The following TACR3 variants were observed in gnomAD, a reference collection of about 807,000 sequenced individuals.
TACR3 encodes the protein tachykinin receptor 3, also known as neuromedin-K receptor.
A neutral mutation model predicts 35.0 loss-of-function variants in TACR3; 34 were observed. That is an observed-to-expected ratio of 0.97 (90% CI 0.74 to 1.30). TACR3 has a LOEUF of 1.30. TACR3 is among the 50% of genes most tolerant of loss of function. The probability of loss-of-function intolerance (pLI) is 0.00; values close to 1 mark genes in which losing one functional copy is unlikely to be tolerated. For missense variants in TACR3, 558 were observed against 591.7 expected (o/e 0.94, Z 0.59); for synonymous variants, 233 against 221.1 (o/e 1.05, Z -0.48).
intron 3 of TACR3, among the ~76,000 whole-genome samples, chr4:103,650,634 A>AAT (rs1346126873): frequency 9.0e-5 from 9 of 99,714 alleles, no homozygotes; most frequent in Middle Eastern, 4.4e-3. Flanking sequence ...ATAAATATAT[A>AAT]ATATATATTT....
At chr4:103,700,590 GA>G (rs936500714) in intron 1 of TACR3, among the ~76,000 whole-genome samples, 19 of 152,214 alleles carry the variant, frequency 1.2e-4, no homozygotes, top group African/African-American at 4.6e-4. Context: ...AATTCTGGGG[GA>G]AATTATTTTA....
intron 1 of TACR3, among the ~76,000 whole-genome samples, chr4:103,667,943 C>T (rs1260889383): frequency 1.3e-5 from 2 of 152,116 alleles, no homozygotes; most frequent in Non-Finnish European, 2.9e-5. Flanking sequence ...ATCCTCCCAC[C>T]TCAGTCTCCT....
intron 3 of TACR3, among the ~76,000 whole-genome samples, chr4:103,612,882 T>G (rs1392743831): frequency 6.6e-6 from 1 of 152,188 alleles, no homozygotes; most frequent in Non-Finnish European, 1.5e-5. Flanking sequence ...GATAACCCTC[T>G]TTTAAATAAA....
chr4:103,591,439 T>C (rs1352047130), intron 4 of TACR3, 48 bp downstream of exon 4: 3 of 1,597,010 alleles, frequency 1.9e-6, no homozygotes, highest in Admixed American at 1.7e-5. Context: ...ATGTTTCCAG[T>C]GAAGGTGGGT....
At chr4:103,604,013 T>A (rs10002146) in intron 3 of TACR3, among the ~76,000 whole-genome samples, 15,399 of 152,244 alleles carry the variant, frequency 0.1, 1,389 homozygotes, top group East Asian at 0.5. Context: ...TACCATTGAC[T>A]TTCTTCACAG....
chr4:103,667,149 T>C (rs1050578420), intron 1 of TACR3, among the ~76,000 whole-genome samples: 6 of 152,066 alleles, frequency 3.9e-5, no homozygotes, highest in Admixed American at 3.9e-4. Context: ...TCCCAGCTAC[T>C]TGGGAGGCTG....
rs369829192 is a variant in TACR3 at position 103,598,164 on chromosome 4, A to G, written c.889-6481T>C. ...ACCATTCTAACTGGTGTGAGATGGT[A>G]TCTCATTGTGGTTTTGATTTGCATT... On this transcript the variant is annotated intron_variant, in intron 3 of 4. Transcript: ENST00000304883. Among the ~76,000 whole-genome samples, 222 of 152,260 alleles carry G rather than the reference A, an allele frequency of 1.5e-3. 2 individuals carry two copies. In the East Asian group the frequency reaches 0.015, roughly 10 times the overall value.
At chr4:103,636,812 G>T (rs554633862) in intron 3 of TACR3, among the ~76,000 whole-genome samples, 2 of 151,910 alleles carry the variant, frequency 1.3e-5, no homozygotes, top group Non-Finnish European at 2.9e-5. Flanking sequence ...ATAAACACCT[G>T]TATGCAAATA....
intron 1 of TACR3, among the ~76,000 whole-genome samples, chr4:103,700,524 C>A (rs6846144): frequency 0.013 from 1,968 of 152,236 alleles, 18 homozygotes; most frequent in South Asian, 0.022. Flanking sequence ...GCTAATTTAT[C>A]CCTGTAGCCT....
intron 1 of TACR3, among the ~76,000 whole-genome samples, chr4:103,699,509 T>C (rs565676323): frequency 1.9e-4 from 29 of 152,228 alleles, no homozygotes; most frequent in African/African-American, 7.0e-4. Flanking sequence ...GTGATTCCAT[T>C]GCTAATAGGT....
chr4:103,667,930 G>T (rs754040374), intron 1 of TACR3, among the ~76,000 whole-genome samples: 2 of 152,140 alleles, frequency 1.3e-5, no homozygotes, highest in Non-Finnish European at 2.9e-5. Flanking sequence ...CTGGGCTCAA[G>T]TGATCCTCCC....
chr4:103,604,368 A>T (rs552434453), intron 3 of TACR3, among the ~76,000 whole-genome samples: 1 of 152,318 alleles, frequency 6.6e-6, no homozygotes, highest in African/African-American at 2.4e-5. Flanking sequence ...TCCCTTCCTT[A>T]CACCTTATAC....
At chr4:103,708,808 T>C (rs1722862533) in intron 1 of TACR3, among the ~76,000 whole-genome samples, 1 of 152,136 alleles carries the variant, frequency 6.6e-6, no homozygotes, top group Non-Finnish European at 1.5e-5. Context: ...GAGAAGTCCT[T>C]AAATGACCTG....
At chr4:103,674,697 G>A (rs915564195) in intron 1 of TACR3, among the ~76,000 whole-genome samples, 3 of 152,080 alleles carry the variant, frequency 2.0e-5, no homozygotes, top group Non-Finnish European at 4.4e-5. Context: ...GACTGCAGGC[G>A]CACACCTCCA....
chr4:103,639,746 C>A lies in TACR3; in HGVS notation c.888+16448G>T, dbSNP rs527882232. ...AGAATCAGACTTTCTGGGTTCAAATCCTGACTCTATTGTTAAATAAAATAG... is the reference window on the plus strand; with the variant it reads ...AGAATCAGACTTTCTGGGTTCAAATACTGACTCTATTGTTAAATAAAATAG... On this transcript the variant is annotated intron_variant, in intron 3 of 4. Coordinates refer to ENST00000304883, the MANE Select transcript of TACR3 (RefSeq NM_001059.3). 3.9e-5 allele frequency among the ~76,000 whole-genome samples: 6 copies of A among 151,978 alleles called. No individual in the cohort carries two copies. In the South Asian group the frequency reaches 1.2e-3, roughly 32 times the overall value.
chr4:103,660,529 A>AACAC (rs143828536), intron 1 of TACR3, among the ~76,000 whole-genome samples: 6,646 of 150,554 alleles, frequency 0.044, 165 homozygotes, highest in Middle Eastern at 0.058. Context: ...AAGTGTTCTT[A>AACAC]ACACACACAC....
At chr4:103,624,282 T>C (rs966249103) in intron 3 of TACR3, 1 of 152,156 alleles carries the variant, frequency 6.6e-6, no homozygotes, top group Admixed American at 6.5e-5. Flanking sequence ...TGGGCTTAGA[T>C]GGTGCAGCAA....
At chr4:103,699,059 T>G (rs1212035384) in intron 1 of TACR3, among the ~76,000 whole-genome samples, 1 of 152,248 alleles carries the variant, frequency 6.6e-6, no homozygotes, top group African/African-American at 2.4e-5. Context: ...CTCTACTTAT[T>G]ATTCATTCAT....
chr4:103,644,487 A>T (rs1725419562), intron 3 of TACR3, among the ~76,000 whole-genome samples: 1 of 151,850 alleles, frequency 6.6e-6, no homozygotes, highest in Non-Finnish European at 1.5e-5. Flanking sequence ...TATGAGATAG[A>T]TACAGTCTAA....
Sources: gnomAD v4.1 joint callset for allele counts (sites outside exome capture counted in the v4.1 genomes callset) on GRCh38, gnomAD v4.1.1 for gene constraint, MANE v1.5 for transcripts, NCBI Gene and HGNC (gene_info 2026-07-23, HGNC 2026-07-21) for gene names.